Variants in TMEM135 observed in about 807,000 individuals in gnomAD.
TMEM135 encodes peroxisomal membrane protein 52.
In TMEM135, 30 loss-of-function variants were observed where a neutral mutation model predicts 60.3. The ratio of observed to expected loss-of-function variants is 0.50; its 90% CI spans 0.37 to 0.68. The LOEUF (loss-of-function observed/expected upper bound fraction) is 0.68. TMEM135 is among the 30% of genes least tolerant of loss of function. The pLI, the probability that TMEM135 is intolerant of heterozygous loss-of-function variation, is 0.00. For synonymous variants in TMEM135, 190 were observed against 186.7 expected (o/e 1.02, Z -0.14); for missense variants, 468 against 548.8 (o/e 0.85, Z 1.47).
chr11:87,319,126 C>T (rs1942781159), intron 13 of TMEM135, 184 bp from the exon 14 acceptor site: 2 of 590,688 alleles, frequency 3.4e-6, no homozygotes, highest in East Asian at 3.0e-5. Flanking sequence ...GCCTCGGCCT[C>T]CCCAAGTGCT....
intron 6 of TMEM135, among the ~76,000 whole-genome samples, chr11:87,239,136 A>G (rs1941073447): frequency 6.6e-6 from 1 of 152,062 alleles, no homozygotes. Flanking sequence ...AGAGCTACGG[A>G]ACCTTTTCCT....
intron 6 of TMEM135, among the ~76,000 whole-genome samples, chr11:87,290,102 A>T (rs1161854103): frequency 6.6e-6 from 1 of 152,146 alleles, no homozygotes; most frequent in Non-Finnish European, 1.5e-5. Context: ...TACATCTTTT[A>T]CATCTTTTAT....
At chr11:87,062,234 G>C (rs1391697365) in intron 1 of TMEM135, among the ~76,000 whole-genome samples, 1 of 152,006 alleles carries the variant, frequency 6.6e-6, no homozygotes, top group African/African-American at 2.4e-5. Flanking sequence ...TCGAACTCCT[G>C]ATCTCGTGAT....
chr11:87,040,425 G>A (rs1949740297), intron 1 of TMEM135, among the ~76,000 whole-genome samples: 1 of 152,196 alleles, frequency 6.6e-6, no homozygotes, highest in South Asian at 2.1e-4. Context: ...TTGGGAGGCC[G>A]AGGTGTGTGG....
At chr11:87,307,571 G>C (rs149184363) in intron 9 of TMEM135, among the ~76,000 whole-genome samples, 1 of 152,210 alleles carries the variant, frequency 6.6e-6, no homozygotes, top group African/African-American at 2.4e-5. Context: ...AAAATTGTAT[G>C]AGAAAGTTAG....
intron 4 of TMEM135, among the ~76,000 whole-genome samples, chr11:87,150,048 C>G (rs1194210953): frequency 6.6e-6 from 1 of 151,852 alleles, no homozygotes; most frequent in Non-Finnish European, 1.5e-5. Flanking sequence ...TGAAACCTGT[C>G]TCTACTAAAT....
At chr11:87,097,000 CTT>C (rs34461814) in intron 4 of TMEM135, among the ~76,000 whole-genome samples, 1 of 143,674 alleles carries the variant, frequency 7.0e-6, no homozygotes, top group Non-Finnish European at 1.5e-5. Context: ...GGAAGCCACT[CTT>C]TTTTTTTTTT....
chr11:87,053,332 A>G (rs1414990967), intron 1 of TMEM135, among the ~76,000 whole-genome samples: 1 of 145,208 alleles, frequency 6.9e-6, no homozygotes, highest in Non-Finnish European at 1.5e-5. Flanking sequence ...ATTGATTATG[A>G]AAAGATGATG....
intron 6 of TMEM135, chr11:87,259,291 A>C (rs1247895784): frequency 5.5e-6 from 2 of 361,384 alleles, no homozygotes; most frequent in Non-Finnish European, 1.1e-5. Flanking sequence ...AGTGGAAAAA[A>C]AGGATAGGGA....
At chr11:87,319,948 C>T (rs972165748) in intron 14 of TMEM135, among the ~76,000 whole-genome samples, 3 of 152,104 alleles carry the variant, frequency 2.0e-5, no homozygotes, top group African/African-American at 4.8e-5. Flanking sequence ...ATTATTTACC[C>T]TCGTGAGCCT....
intron 3 of TMEM135, among the ~76,000 whole-genome samples, chr11:87,084,720 A>G (rs1178240442): frequency 3.3e-5 from 5 of 152,258 alleles, no homozygotes; most frequent in Admixed American, 2.6e-4. Context: ...GAAGGGAACA[A>G]TGAGAAAAGC....
At chr11:87,159,617 A>ACACACACACACACACACCCCCCCCCCC (rs140303858) in intron 5 of TMEM135, among the ~76,000 whole-genome samples, 2 of 149,344 alleles carry the variant, frequency 1.3e-5, no homozygotes, top group Non-Finnish European at 3.0e-5. Flanking sequence ...ACACACACAC[A>ACACACACACACACACACCCCCCCCCCC]CCATAGATTT....
chr11:87,154,379 A>G (rs1292283820), intron 4 of TMEM135, among the ~76,000 whole-genome samples: 6 of 152,224 alleles, frequency 3.9e-5, no homozygotes, highest in African/African-American at 2.4e-5. Context: ...TCATTTATTC[A>G]TTGATGGACA....
chr11:87,060,685 C>T (rs376930617), intron 1 of TMEM135, among the ~76,000 whole-genome samples: 1 of 151,832 alleles, frequency 6.6e-6, no homozygotes, highest in East Asian at 1.9e-4. Context: ...CTCTGTCACC[C>T]AGGCTGGATT....
chr11:87,289,896 T>C (rs1241658055), intron 6 of TMEM135, among the ~76,000 whole-genome samples: 2 of 152,226 alleles, frequency 1.3e-5, no homozygotes. Flanking sequence ...AACTTTTCTG[T>C]TCATGGCTTA....
chr11:87,274,786 CTGTGTGTGTGTGTGTGTG>C (rs10655114), intron 6 of TMEM135, among the ~76,000 whole-genome samples: 16 of 129,286 alleles, frequency 1.2e-4, no homozygotes, highest in East Asian at 1.2e-3. Context: ...CATAGCAAGA[CTGTGTGTGTGTGTGTGTG>C]TGTGTGTGTG....
At chr11:87,159,589 A>ATG (rs543191698) in intron 5 of TMEM135, among the ~76,000 whole-genome samples, 1 of 146,564 alleles carries the variant, frequency 6.8e-6, no homozygotes, top group African/African-American at 2.6e-5. Flanking sequence ...GAATACACAC[A>ATG]CGCGCACACA....
intron 4 of TMEM135, among the ~76,000 whole-genome samples, chr11:87,154,686 G>T (rs1043686155): frequency 6.6e-6 from 1 of 152,144 alleles, no homozygotes; most frequent in African/African-American, 2.4e-5. Context: ...ATGGGAAGTG[G>T]TATCTCACTG....
chr11:87,257,861 A>G (rs1051906624), intron 6 of TMEM135, among the ~76,000 whole-genome samples: 3 of 152,148 alleles, frequency 2.0e-5, no homozygotes, highest in Non-Finnish European at 4.4e-5. Flanking sequence ...AGTGAATTGT[A>G]TAATATTTCA....
Sources: gnomAD v4.1 joint callset for allele counts (sites outside exome capture counted in the v4.1 genomes callset) on GRCh38, gnomAD v4.1.1 for gene constraint, MANE v1.5 for transcripts, NCBI Gene and HGNC (gene_info 2026-07-23, HGNC 2026-07-21) for gene names.